Variants in ECSCR observed in about 807,000 individuals in gnomAD.
ECSCR encodes the protein endothelial cell surface expressed chemotaxis and apoptosis regulator, also known as endothelial cell-specific chemotaxis regulator.
A neutral mutation model predicts 16.7 loss-of-function variants in ECSCR; 12 were observed. The observed-to-expected ratio is 0.72, with a 90% confidence interval of 0.46 to 1.17. ECSCR has a LOEUF of 1.17. ECSCR is among the 50% of genes most tolerant of loss of function. The pLI is 0.00. For missense variants in ECSCR, 122 were observed against 116.1 expected (o/e 1.05, Z -0.23); for synonymous variants, 44 against 42.2 (o/e 1.04, Z -0.17).
At chr5:139,453,898 T>C (rs1250227868) in intron 8 of ECSCR, among the ~76,000 whole-genome samples, 1 of 142,318 alleles carries the variant, frequency 7.0e-6, no homozygotes, top group African/African-American at 2.6e-5. Context: ...GAGGGTGGTG[T>C]GTACAGTATA....
In ECSCR at chr5:139,462,703, T is replaced by C. The variant is rs1176728551; in HGVS notation, c.-33A>G. The C allele has an allele frequency of 6.6e-7, 1 of 1,513,920 alleles. No individual in the cohort carries two copies. Among genetic ancestry groups the C allele is most frequent in the Non-Finnish European group, 8.9e-7 (1 of 1,126,252 alleles). The allele number at this position is 1,513,920 out of a possible 1,614,324, so 93.8% of individuals were successfully genotyped here. A position where few individuals can be genotyped will look rare whatever the true frequency, so the allele number is the denominator to read the frequency against. ...GGGTATGTGGCGGGCAGGCAGCAGCTCAGTGGAGGCTCTGTCCATAGTGGA... is the reference window on the plus strand; with the variant it reads ...GGGTATGTGGCGGGCAGGCAGCAGCCCAGTGGAGGCTCTGTCCATAGTGGA... On this transcript the variant is annotated 5_prime_UTR_variant, in exon 1 of 10. Coordinates refer to ENST00000618155, the MANE Select transcript of ECSCR (RefSeq NM_001077693.4).
intron 8 of ECSCR, among the ~76,000 whole-genome samples, chr5:139,451,637 G>A (rs1751051610): frequency 6.9e-6 from 1 of 144,176 alleles, no homozygotes; most frequent in African/African-American, 2.6e-5. Context: ...TGGGTGTGTG[G>A]TGTATGTATG....
chr5:139,449,465 G>A (rs912245146), intron 8 of ECSCR, among the ~76,000 whole-genome samples: 2 of 152,086 alleles, frequency 1.3e-5, no homozygotes, highest in African/African-American at 4.8e-5. Flanking sequence ...AGCCTCCTGA[G>A]TAGCTGGGAT....
intron 8 of ECSCR, among the ~76,000 whole-genome samples, chr5:139,452,595 T>C (rs1410151882): frequency 1.1e-4 from 13 of 114,686 alleles, no homozygotes; most frequent in Non-Finnish European, 2.0e-4. Context: ...GTGTGGGGCA[T>C]GTGTATAGTA....
intron 1 of ECSCR, among the ~76,000 whole-genome samples, chr5:139,459,505 A>G (rs1751245008): frequency 6.6e-6 from 1 of 152,168 alleles, no homozygotes. Context: ...GCGGGGCTCT[A>G]TGCAAATGTA....
At chr5:139,456,222 C>G (rs932611105) in intron 5 of ECSCR, among the ~76,000 whole-genome samples, 1 of 152,050 alleles carries the variant, frequency 6.6e-6, no homozygotes. Flanking sequence ...GGGATCGCAC[C>G]GCTGCACTCC....
At chr5:139,452,248 G>A (rs1250892793) in intron 8 of ECSCR, among the ~76,000 whole-genome samples, 1 of 94,792 alleles carries the variant, frequency 1.1e-5, no homozygotes, top group Non-Finnish European at 2.2e-5. Context: ...ATGATGTGTG[G>A]GGTGTGTGGG....
chr5:139,462,614 G>T lies in ECSCR; in HGVS notation c.57C>A (p.Phe19Leu). 1 of 1,596,846 alleles carries T rather than the reference G, an allele frequency of 6.3e-7. No individual in the cohort carries two copies. The highest frequency in any genetic ancestry group is 8.5e-7 in the Non-Finnish European group (1 of 1,172,142). ...AAAGCGGCAGGCACCTCTTACCTCG[G>T]AACAGGAGGAAGCCCAGGATCACCC... ...LCWVILGFLLFRGHNSQPTMT... is the reference protein window; with the variant it reads ...LCWVILGFLLLRGHNSQPTMT... Residue 19 changes from phenylalanine to leucine, a missense_variant, in exon 1 of 10, where the codon TTC (phenylalanine) becomes TTA (leucine). By Grantham distance (22) the Phe-to-Leu change is conservative (BLOSUM62 0). Coordinates refer to ENST00000618155, the MANE Select transcript of ECSCR (RefSeq NM_001077693.4).
At chr5:139,459,487 G>A (rs1751244575) in intron 1 of ECSCR, among the ~76,000 whole-genome samples, 2 of 152,204 alleles carry the variant, frequency 1.3e-5, no homozygotes, top group South Asian at 4.1e-4. Flanking sequence ...GTATGTACAC[G>A]TGTGTCTGCG....
chr5:139,457,535 G>T lies in ECSCR; in HGVS notation c.217+10C>A. On this transcript the variant is annotated intron_variant, in intron 4 of 9. Coordinates refer to ENST00000618155, the MANE Select transcript of ECSCR (RefSeq NM_001077693.4). ...CCTGGATGGCATTTGTAGTCTGAAT[G>T]ACACAGTACCTGGGGTACCAGTGCT... is the stretch of plus-strand genomic sequence containing the variant. 2.6e-6 allele frequency: 2 copies of T among 783,322 alleles called. No homozygotes were observed. The highest frequency in any genetic ancestry group is 2.7e-5 in the South Asian group (2 of 74,596). 48.5% of individuals were successfully genotyped at this position (783,322 alleles called of 1,614,324 possible).
chr5:139,456,195 G>A (rs1486466321), intron 5 of ECSCR, among the ~76,000 whole-genome samples: 4 of 152,080 alleles, frequency 2.6e-5, no homozygotes, highest in African/African-American at 9.7e-5. Context: ...CTCAGGAGGA[G>A]GAGGTTGCAG....
intron 1 of ECSCR, among the ~76,000 whole-genome samples, chr5:139,459,496 C>T (rs966271192): frequency 6.6e-6 from 1 of 152,298 alleles, no homozygotes; most frequent in Admixed American, 6.5e-5. Flanking sequence ...CGTGTGTCTG[C>T]GGGGCTCTAT....
chr5:139,457,282 C>T (rs1462863592), intron 4 of ECSCR, among the ~76,000 whole-genome samples: 2 of 152,318 alleles, frequency 1.3e-5, no homozygotes, highest in East Asian at 3.9e-4. Context: ...TCAGCTGACC[C>T]CTTCTCAGCT....
Position 139,455,318 on chromosome 5 carries a change from C to G in ECSCR, c.376+5G>C, listed in dbSNP as rs1287573775. On this transcript the variant is annotated splice_donor_5th_base_variant and intron_variant, in intron 6 of 9. Transcript: ENST00000618155. Reference sequence around the variant, plus strand: ...CTATGTCCCACCTTCTCCTTCCGGTCTCACCAAATGCAGCCACAGTGAGCA... The same window carrying G: ...CTATGTCCCACCTTCTCCTTCCGGTGTCACCAAATGCAGCCACAGTGAGCA... 2 of 398,538 alleles carry G rather than the reference C, an allele frequency of 5.0e-6. No homozygotes were observed. The highest frequency in any genetic ancestry group is 8.8e-6 in the Non-Finnish European group (2 of 226,128). 24.7% of individuals were successfully genotyped at this position (398,538 alleles called of 1,614,324 possible). A position where few individuals can be genotyped will look rare whatever the true frequency, so the allele number is the denominator to read the frequency against.
chr5:139,460,409 A>G (rs773763857), intron 1 of ECSCR, among the ~76,000 whole-genome samples: 41 of 152,302 alleles, frequency 2.7e-4, no homozygotes, highest in Non-Finnish European at 5.9e-5. Context: ...TGCTGGGATC[A>G]CAGGCGTGAG....
At chr5:139,449,936 C>T (rs1751001040) in intron 8 of ECSCR, among the ~76,000 whole-genome samples, 1 of 151,992 alleles carries the variant, frequency 6.6e-6, no homozygotes, top group South Asian at 2.1e-4. Context: ...TGCTCTGTCA[C>T]CCAGGCTGGA....
intron 8 of ECSCR, among the ~76,000 whole-genome samples, chr5:139,452,262 A>AGTATGGGTTG (rs1751073383): frequency 9.3e-5 from 2 of 21,536 alleles, no homozygotes; most frequent in African/African-American, 3.5e-4. Flanking sequence ...GTGTGGGTAT[A>AGTATGGGTTG]TGTGTATAGT....
rs773907058 is a variant in ECSCR, at chr5:139,457,776, C to T, written c.138G>A (p.Glu46=). 1.9e-6 allele frequency: 3 copies of T among 1,612,324 alleles called. No individual in the cohort carries two copies. Among genetic ancestry groups the T allele is most frequent in the Non-Finnish European group, 2.5e-6 (3 of 1,179,166 alleles). The change falls in exon 3 of 10, where the codon GAG becomes GAA. Residue 46 remains glutamate, a synonymous_variant. Coordinates refer to ENST00000618155, the MANE Select transcript of ECSCR (RefSeq NM_001077693.4). ...ACTCACCTGGGTTGGAAGAAACTGG[C>T]TCTGTGGTCAGACTTAGACCGCCAA... The part of the protein sequence containing the change: ...GGLGGLSLTT[E]PVSSNPGYIP...
intron 5 of ECSCR, 100 bp from the exon 6 acceptor site, chr5:139,455,536 T>C (rs1751138640): frequency 2.6e-6 from 1 of 389,176 alleles, no homozygotes; most frequent in Non-Finnish European, 4.5e-6. Flanking sequence ...GACCAGAATT[T>C]ATGCTGCAGA....
Sources: gnomAD v4.1 joint callset for allele counts (sites outside exome capture counted in the v4.1 genomes callset) on GRCh38, gnomAD v4.1.1 for gene constraint, MANE v1.5 for transcripts, NCBI Gene and HGNC (gene_info 2026-07-23, HGNC 2026-07-21) for gene names.